DCBLD2: variants seen among roughly 807,000 people sequenced by gnomAD.
DCBLD2 encodes discoidin, CUB and LCCL domain-containing protein 2.
Under a neutral mutation model 86.8 loss-of-function variants are expected in DCBLD2, and 54 were observed. The observed-to-expected ratio is 0.62, with a 90% CI of 0.50 to 0.78. The LOEUF is 0.78. Among genes scored for constraint, DCBLD2 ranks in the 30% least tolerant of loss-of-function variants. The pLI, the probability that DCBLD2 is intolerant of heterozygous loss-of-function variation, is 0.00. For synonymous variants in DCBLD2, 354 were observed against 341.3 expected, an observed-to-expected ratio of 1.04 and a Z score of -0.41; for missense variants, 908 against 954.2, an observed-to-expected ratio of 0.95 and a Z score of 0.64.
At chr3:98,832,272 G>C (rs1942337271) in intron 3 of DCBLD2, among the ~76,000 whole-genome samples, 2 of 152,240 alleles carry the variant, frequency 1.3e-5, no homozygotes, top group South Asian at 4.1e-4. Flanking sequence ...GCATTTTTCT[G>C]ATTTCCATTT....
At chr3:98,831,342 C>G (rs1275379266) in intron 3 of DCBLD2, among the ~76,000 whole-genome samples, 1 of 152,012 alleles carries the variant, frequency 6.6e-6, no homozygotes, top group Non-Finnish European at 1.5e-5. Flanking sequence ...TGAGCTACCG[C>G]TCTTGGCCCT....
rs555536800 is a variant in DCBLD2, at chr3:98,893,382, GA to G, written c.205+7739del. On this transcript the variant is annotated intron_variant, in intron 1 of 15. Transcript: ENST00000326840. ...AGATTTTCAAAGACCACTGTAGTAAGAAAAAAAAAAAAAAGAAACCAATAAT... is the reference window on the plus strand; with the variant it reads ...AGATTTTCAAAGACCACTGTAGTAAGAAAAAAAAAAAAAGAAACCAATAAT... Among the ~76,000 whole-genome samples, 1,022 of 113,052 alleles carry G rather than the reference GA, an allele frequency of 9.0e-3. 5 individuals carry two copies. The highest frequency in any genetic ancestry group is 0.012 in the Non-Finnish European group (657 of 52,934). The allele number at this position is 113,052 out of a possible 152,430, so 74.2% of individuals were successfully genotyped here. A position where few individuals can be genotyped will look rare whatever the true frequency, so the allele number is the denominator to read the frequency against.
chr3:98,857,791 T>C (rs559863700), intron 2 of DCBLD2, among the ~76,000 whole-genome samples: 19 of 152,300 alleles, frequency 1.2e-4, no homozygotes, highest in African/African-American at 2.2e-4. Flanking sequence ...AGGGTGCTGA[T>C]TGGTGTCTTT....
intron 2 of DCBLD2, among the ~76,000 whole-genome samples, chr3:98,851,110 G>A (rs904845293): frequency 2.6e-5 from 4 of 152,144 alleles, no homozygotes; most frequent in African/African-American, 4.8e-5. Flanking sequence ...TCAGGCAAGA[G>A]AAAGAAATAA....
chr3:98,870,781 G>GAA (rs1159497892), intron 2 of DCBLD2, among the ~76,000 whole-genome samples: 26 of 150,196 alleles, frequency 1.7e-4, no homozygotes, highest in African/African-American at 2.4e-4. Flanking sequence ...AAGAAAGAAA[G>GAA]AAAGAAAGAA....
intron 2 of DCBLD2, among the ~76,000 whole-genome samples, chr3:98,852,219 A>G (rs1942852771): frequency 6.7e-6 from 1 of 150,178 alleles, no homozygotes; most frequent in Non-Finnish European, 1.5e-5. Context: ...TTCCTCTAGT[A>G]TGTGATCTTT....
At chr3:98,802,326 A>T (rs1016880002) in intron 13 of DCBLD2, among the ~76,000 whole-genome samples, 3 of 151,980 alleles carry the variant, frequency 2.0e-5, no homozygotes, top group African/African-American at 7.3e-5. Flanking sequence ...GCATTTTTTC[A>T]TGTGTTTGTT....
intron 12 of DCBLD2, among the ~76,000 whole-genome samples, chr3:98,809,579 T>C (rs1195406871): frequency 6.6e-6 from 1 of 152,116 alleles, no homozygotes; most frequent in Non-Finnish European, 1.5e-5. Context: ...ACTCCCTACT[T>C]TCTCTGTGAA....
intron 2 of DCBLD2, among the ~76,000 whole-genome samples, chr3:98,880,793 A>C (rs2107521681): frequency 6.6e-6 from 1 of 152,334 alleles, no homozygotes; most frequent in East Asian, 1.9e-4. Flanking sequence ...ATCTGGCCAA[A>C]GTCACACAGC....
At chr3:98,837,325 CG>C (rs1431824744) in intron 3 of DCBLD2, among the ~76,000 whole-genome samples, 2 of 5,782 alleles carry the variant, frequency 3.5e-4, no homozygotes, top group Non-Finnish European at 9.4e-4. Context: ...CCGGACGGGG[CG>C]GCTGGCCGGG....
intron 2 of DCBLD2, among the ~76,000 whole-genome samples, chr3:98,874,866 T>C (rs1943340872): frequency 6.6e-6 from 1 of 152,202 alleles, no homozygotes; most frequent in South Asian, 2.1e-4. Context: ...ACTGAATTGC[T>C]TGGCATCTTG....
intron 2 of DCBLD2, among the ~76,000 whole-genome samples, chr3:98,878,437 G>GAACT (rs777936645): frequency 1.3e-5 from 2 of 151,998 alleles, no homozygotes; most frequent in Admixed American, 6.6e-5. Context: ...AGAGACCAAT[G>GAACT]AACTCTCTTC....
rs549592056 is a variant in DCBLD2, at chr3:98,821,829, C to T, written c.830+399G>A. ...TTCGGTGGCCGAGGCGGGTGGATCACGAGGTCAGGAGTTCGAGAGCAGCCT... is the reference window on the plus strand; with the variant it reads ...TTCGGTGGCCGAGGCGGGTGGATCATGAGGTCAGGAGTTCGAGAGCAGCCT... On this transcript the variant is annotated intron_variant, in intron 6 of 15. Transcript: ENST00000326840. 1.4e-3 allele frequency among the ~76,000 whole-genome samples: 217 copies of T among 152,056 alleles called. 1 individual carries two copies. Among genetic ancestry groups the T allele is most frequent in the African/African-American group, 4.9e-3 (205 of 41,490 alleles).
intron 1 of DCBLD2, among the ~76,000 whole-genome samples, chr3:98,885,972 G>T (rs1194129887): frequency 2.0e-5 from 3 of 151,640 alleles, no homozygotes; most frequent in Non-Finnish European, 4.4e-5. Context: ...AACAAAGAAT[G>T]ATCAACCTTA....
intron 1 of DCBLD2, among the ~76,000 whole-genome samples, chr3:98,885,163 G>A (rs899488344): frequency 3.3e-5 from 5 of 151,924 alleles, no homozygotes; most frequent in African/African-American, 1.2e-4. Flanking sequence ...CACAAGTAAC[G>A]TGCCAAGAAT....
chr3:98,896,852 C>T (rs1176680089), intron 1 of DCBLD2, among the ~76,000 whole-genome samples: 1 of 152,164 alleles, frequency 6.6e-6, no homozygotes, highest in Admixed American at 6.5e-5. Context: ...AGCTTTTCCT[C>T]ATCCTTCTAC....
chr3:98,834,751 AT>A (rs1192544377), intron 3 of DCBLD2, among the ~76,000 whole-genome samples: 1 of 152,202 alleles, frequency 6.6e-6, no homozygotes, highest in African/African-American at 2.4e-5. Context: ...TAGTGCTGCG[AT>A]AAAGATGGGA....
At chr3:98,897,130 A>G (rs1943763792) in intron 1 of DCBLD2, among the ~76,000 whole-genome samples, 2 of 152,196 alleles carry the variant, frequency 1.3e-5, no homozygotes, top group East Asian at 1.9e-4. Context: ...CCATTTTAAG[A>G]TATTTTTACA....
intron 3 of DCBLD2, among the ~76,000 whole-genome samples, chr3:98,830,552 T>C (rs1222737248): frequency 2.0e-5 from 3 of 152,218 alleles, no homozygotes; most frequent in Non-Finnish European, 2.9e-5. Flanking sequence ...GTTGCAGATA[T>C]GTGGCCTTAT....
Sources: gnomAD v4.1 joint callset for allele counts (sites outside exome capture counted in the v4.1 genomes callset) on GRCh38, gnomAD v4.1.1 for gene constraint, MANE v1.5 for transcripts, NCBI Gene and HGNC (gene_info 2026-07-23, HGNC 2026-07-21) for gene names.